Variants in FAR2 observed in about 807,000 individuals in gnomAD.
FAR2 encodes the protein fatty acyl-CoA reductase 2, also known as epididymis secretory protein Li 81.
Under a neutral mutation model 56.0 loss-of-function variants are expected in FAR2, and 19 were observed. That is an observed-to-expected ratio of 0.34 (90% confidence interval 0.24 to 0.50). The LOEUF is 0.50. FAR2 is among the 20% of genes least tolerant of loss of function. The pLI is 0.98. For missense variants in FAR2, 508 were observed against 642.2 expected (o/e 0.79, Z 2.26); for synonymous variants, 219 against 218.8 (o/e 1.00, Z -0.01).
intron 1 of FAR2, among the ~76,000 whole-genome samples, chr12:29,257,471 A>G (rs553704268): frequency 6.6e-6 from 1 of 152,204 alleles, no homozygotes; most frequent in Non-Finnish European, 1.5e-5. Flanking sequence ...CCAAGCCAGC[A>G]GTGGCAACCC....
chr12:29,293,373 A>T lies in FAR2; in HGVS notation c.263A>T (p.Gln88Leu). 1.9e-6 allele frequency: 3 copies of T among 1,612,980 alleles called. No homozygotes were observed. The highest frequency in any genetic ancestry group is 2.5e-6 in the Non-Finnish European group (3 of 1,179,654). Reference sequence around the variant, plus strand: ...AGAGCTATTTATGCAGATCTCAATCAGAATGACTTTGCCATCAGCAAAGAG... The same window carrying T: ...AGAGCTATTTATGCAGATCTCAATCTGAATGACTTTGCCATCAGCAAAGAG... The part of the protein sequence containing the change: ...KIRAIYADLN[Q>L]NDFAISKEDM... The change falls in exon 3 of 12, where the codon CAG becomes CTG. Residue 88 changes from glutamine to leucine, a missense_variant. Transcript: ENST00000536681.
intron 1 of FAR2, among the ~76,000 whole-genome samples, chr12:29,197,183 T>C (rs1950150887): frequency 6.6e-6 from 1 of 152,200 alleles, no homozygotes; most frequent in Non-Finnish European, 1.5e-5. Flanking sequence ...AAACATTATT[T>C]CAAAAGGGAA....
At chr12:29,249,825 G>A (rs1948179451) in intron 1 of FAR2, among the ~76,000 whole-genome samples, 1 of 152,098 alleles carries the variant, frequency 6.6e-6, no homozygotes, top group Admixed American at 6.5e-5. Flanking sequence ...TAAGGTACAA[G>A]ACATGATCTG....
At chr12:29,288,557 G>C (rs546139379) in intron 2 of FAR2, among the ~76,000 whole-genome samples, 7 of 151,968 alleles carry the variant, frequency 4.6e-5, no homozygotes, top group Non-Finnish European at 1.0e-4. Context: ...TAGAAGAGCT[G>C]GTGCTTATCC....
intron 4 of FAR2, among the ~76,000 whole-genome samples, chr12:29,299,935 T>A (rs944988536): frequency 6.6e-6 from 1 of 152,250 alleles, no homozygotes; most frequent in Admixed American, 6.5e-5. Context: ...AGTGTTCAGC[T>A]GTATTATTGC....
intron 1 of FAR2, among the ~76,000 whole-genome samples, chr12:29,183,666 T>G (rs969286801): frequency 1.3e-5 from 2 of 152,224 alleles, no homozygotes; most frequent in African/African-American, 4.8e-5. Context: ...GCAATCAAAT[T>G]TCATTTGAAA....
intron 2 of FAR2, among the ~76,000 whole-genome samples, chr12:29,278,625 G>A (rs1348617671): frequency 2.0e-5 from 3 of 151,456 alleles, no homozygotes; most frequent in South Asian, 2.1e-4. Flanking sequence ...TGGGACTACA[G>A]GCATGAGCCA....
At chr12:29,328,731 G>A (rs1228877091) in intron 10 of FAR2, among the ~76,000 whole-genome samples, 13 of 145,782 alleles carry the variant, frequency 8.9e-5, no homozygotes, top group Non-Finnish European at 1.7e-4. Flanking sequence ...ATCACACACC[G>A]GGGCCTGTTG....
chr12:29,256,744 G>C (rs1007970093), intron 1 of FAR2, among the ~76,000 whole-genome samples: 6 of 152,220 alleles, frequency 3.9e-5, no homozygotes, highest in Non-Finnish European at 4.4e-5. Flanking sequence ...GGAGCACTCG[G>C]CCGGCCCTGC....
Position 29,179,688 on chromosome 12 carries a change from G to C in FAR2, c.-39+30281G>C, listed in dbSNP as rs1394292754. 5.3e-5 allele frequency among the ~76,000 whole-genome samples: 8 copies of C among 152,132 alleles called. No individual in the cohort carries two copies. In the East Asian group the frequency reaches 1.5e-3, roughly 29 times the overall value. On this transcript the variant is annotated intron_variant, in intron 1 of 11. Transcript: ENST00000536681. ...CTAATTTCAGGAATACTTTTCCTATGATGAGTGGAAAAACTGAGGCATGGA... is the reference window on the plus strand; with the variant it reads ...CTAATTTCAGGAATACTTTTCCTATCATGAGTGGAAAAACTGAGGCATGGA...
At chr12:29,172,481 GGTTT>G (rs1438290244) in intron 1 of FAR2, among the ~76,000 whole-genome samples, 2 of 152,288 alleles carry the variant, frequency 1.3e-5, no homozygotes, top group East Asian at 1.9e-4. Context: ...GAACCACTGA[GGTTT>G]GTTTGTCTGA....
At chr12:29,171,134 C>T (rs1308660124) in intron 1 of FAR2, among the ~76,000 whole-genome samples, 1 of 152,204 alleles carries the variant, frequency 6.6e-6, no homozygotes, top group Non-Finnish European at 1.5e-5. Context: ...GGACAGCTGT[C>T]CAGGACAGGA....
At chr12:29,259,742 C>T (rs543771031) in intron 1 of FAR2, among the ~76,000 whole-genome samples, 3 of 152,304 alleles carry the variant, frequency 2.0e-5, no homozygotes, top group South Asian at 2.1e-4. Flanking sequence ...TGCTAACCCC[C>T]ATGCCTAGAC....
intron 1 of FAR2, among the ~76,000 whole-genome samples, chr12:29,256,387 T>C (rs1308735501): frequency 6.6e-6 from 1 of 152,046 alleles, no homozygotes; most frequent in Non-Finnish European, 1.5e-5. Flanking sequence ...GGGGTCTCAC[T>C]ATAATGCCTA....
At chr12:29,268,372 A>C (rs1030697145) in intron 1 of FAR2, among the ~76,000 whole-genome samples, 4 of 152,178 alleles carry the variant, frequency 2.6e-5, no homozygotes, top group Non-Finnish European at 5.9e-5. Flanking sequence ...TGCTGTCTCC[A>C]ATCAATTATC....
At chr12:29,185,872 G>A (rs953729387) in intron 1 of FAR2, among the ~76,000 whole-genome samples, 1 of 151,938 alleles carries the variant, frequency 6.6e-6, no homozygotes, top group African/African-American at 2.4e-5. Flanking sequence ...CATCCTACGC[G>A]CCAACCTCTC....
chr12:29,253,900 T>C (rs1948274405), intron 1 of FAR2, among the ~76,000 whole-genome samples: 1 of 152,238 alleles, frequency 6.6e-6, no homozygotes, highest in Admixed American at 6.5e-5. Flanking sequence ...TAATCTATTA[T>C]ATTGAAATGG....
chr12:29,161,240 C>G lies in FAR2; in HGVS notation c.-39+11833C>G, dbSNP rs1949779316. Among the ~76,000 whole-genome samples, 13 of 152,290 alleles carry G rather than the reference C, an allele frequency of 8.5e-5. No homozygotes were observed. The South Asian group carries it at 2.7e-3, about 32-fold the overall frequency. On this transcript the variant is annotated intron_variant, in intron 1 of 11. Transcript: ENST00000536681. ...AAGTTAAAAAAGAAAAGCAGAAAAA[C>G]ATTTATCAGCATCCTATAAGCTCCC...
Position 29,174,066 on chromosome 12 carries a change from A to G in FAR2, c.-39+24659A>G, listed in dbSNP as rs565177634. Among the ~76,000 whole-genome samples, 139 of 152,282 alleles carry G rather than the reference A, an allele frequency of 9.1e-4. 1 individual carries two copies. The highest frequency in any genetic ancestry group is 3.0e-3 in the African/African-American group (126 of 41,548). On this transcript the variant is annotated intron_variant, in intron 1 of 11. Transcript: ENST00000536681. ...TTTACCCCTGTCCTGTAAAGATGTT[A>G]TGCCCCAAAAATGAAGTGGAGGGCC... is the stretch of plus-strand genomic sequence containing the variant.
Sources: allele counts gnomAD v4.1 joint callset (sites outside exome capture counted in the v4.1 genomes callset), GRCh38; gene constraint gnomAD v4.1.1; transcripts MANE v1.5; gene names NCBI Gene and HGNC (gene_info 2026-07-23, HGNC 2026-07-21).